The following CALY variants were observed in gnomAD, a reference collection of about 807,000 sequenced individuals.
CALY encodes neuron-specific vesicular protein calcyon.
A neutral mutation model predicts 20.2 loss-of-function variants in CALY; 15 were observed. That is an observed-to-expected ratio of 0.74 (90% CI 0.50 to 1.14). The LOEUF (loss-of-function observed/expected upper bound fraction) is 1.14, where lower values mean the gene tolerates loss of function less well. CALY is among the 50% of genes most tolerant of loss of function. CALY has a pLI of 0.00. For missense variants in CALY, 270 were observed against 304.4 expected (o/e 0.89, Z 0.84); for synonymous variants, 129 against 131.8 (o/e 0.98, Z 0.15).
chr10:133,325,972 C>G lies in CALY; in HGVS notation c.509G>C (p.Arg170Pro). ...ETPAAWGDGY[R>P]AAKEERKGPT... is the part of the protein sequence containing the mutation. ...CCCCTTGCGCTCCTCCTTGGCTGCG[C>G]GGTAGCCGTCCCCCCAGGCCGCCGG... The change falls in exon 5 of 6, where the codon CGC becomes CCC. Residue 170 changes from arginine (R) to proline (P), a missense_variant. Physicochemically the swap from Arg to Pro is moderately radical, Grantham distance 103. Coordinates refer to ENST00000252939, the MANE Select transcript of CALY (RefSeq NM_015722.4). The G allele has an allele frequency of 1.9e-6, 3 of 1,545,138 alleles. No individual in the cohort carries two copies. The highest frequency in any genetic ancestry group is 1.7e-6 in the Non-Finnish European group (2 of 1,144,128).
intron 4 of CALY, chr10:133,326,435 T>G (rs1848211987): frequency 5.1e-6 from 3 of 589,632 alleles, no homozygotes; most frequent in Non-Finnish European, 9.1e-6. Context: ...AAGGAGCAGA[T>G]TTTACTTCTG....
At position 133,325,583 on chromosome 10, in the gene CALY, C is replaced by T. The variant is rs912925209; in HGVS notation, c.*29-17G>A. 10 of 287,204 alleles carry T rather than the reference C, an allele frequency of 3.5e-5. No homozygotes were observed. The highest frequency in any genetic ancestry group is 6.4e-5 in the Non-Finnish European group (10 of 155,642). The allele number at this position is 287,204 out of a possible 1,614,324, so 17.8% of individuals were successfully genotyped here. A position where few individuals can be genotyped will look rare whatever the true frequency, so the allele number is the denominator to read the frequency against. On this transcript the variant is annotated splice_polypyrimidine_tract_variant and intron_variant, in intron 5 of 5. Coordinates refer to ENST00000252939, the MANE Select transcript of CALY (RefSeq NM_015722.4). Reference sequence around the variant, plus strand: ...CGGAGGACGCTGCGGAGACAGAGCCCGAGGGTTGAGAGCGGCGACGCGGCC... The same window carrying T: ...CGGAGGACGCTGCGGAGACAGAGCCTGAGGGTTGAGAGCGGCGACGCGGCC...
intron 3 of CALY, 118 bp from the exon 4 acceptor site, chr10:133,327,109 C>T: frequency 1.4e-6 from 1 of 712,956 alleles, no homozygotes; most frequent in East Asian, 2.7e-5. Flanking sequence ...GATGCCCCAC[C>T]CCCGCCCTGG....
chr10:133,328,797 C>T (rs540607885), intron 2 of CALY, 58 bp downstream of exon 2: 37 of 1,488,858 alleles, frequency 2.5e-5, no homozygotes, highest in South Asian at 5.1e-5. Context: ...CCTCACCCCA[C>T]ACCCCTTTGT....
Position 133,324,917 on chromosome 10 carries a change from CCACT to C in CALY, c.*674_*677del. The C allele has an allele frequency of 4.4e-6, 1 of 229,466 alleles. No homozygotes were observed. The highest frequency in any genetic ancestry group is 8.8e-6 in the Non-Finnish European group (1 of 113,674). 14.2% of individuals were successfully genotyped at this position (229,466 alleles called of 1,614,324 possible). A position where few individuals can be genotyped will look rare whatever the true frequency, so the allele number is the denominator to read the frequency against. The stretch of plus-strand genomic sequence containing the variant: ...ACCAGAGCTCACCCCTCATCAGGCC[CCACT>C]CCCCACTCAGACGCCCCCATTCACT... On this transcript the variant is annotated 3_prime_UTR_variant, in exon 6 of 6. Transcript: ENST00000252939.
At chr10:133,334,906 C>T (rs527413650) in intron 1 of CALY, among the ~76,000 whole-genome samples, 2 of 152,264 alleles carry the variant, frequency 1.3e-5, no homozygotes, top group South Asian at 2.1e-4. Context: ...TGCGGTGTCC[C>T]CCAGACCACC....
intron 1 of CALY, among the ~76,000 whole-genome samples, chr10:133,330,940 C>A (rs572627607): frequency 5.9e-5 from 9 of 152,256 alleles, no homozygotes; most frequent in Non-Finnish European, 1.2e-4. Context: ...GTGAATCCAG[C>A]GAATACAACA....
At position 133,324,383 on chromosome 10, in the gene CALY, C is replaced by G. The variant is rs1427176675; in HGVS notation, c.*1212G>C. The G allele has an allele frequency of 2.2e-6, 1 of 452,406 alleles. No homozygotes were observed. The highest frequency in any genetic ancestry group is 4.4e-6 in the Non-Finnish European group (1 of 225,996). The allele number at this position is 452,406 out of a possible 1,614,324, so 28.0% of individuals were successfully genotyped here. A position where few individuals can be genotyped will look rare whatever the true frequency, so the allele number is the denominator to read the frequency against. ...TCCAAAGCAGGCCAGTCCCACTGAGCTGGGAAGCTGCCTAGACCCGCACCT... is the reference window on the plus strand; with the variant it reads ...TCCAAAGCAGGCCAGTCCCACTGAGGTGGGAAGCTGCCTAGACCCGCACCT... On this transcript the variant is annotated 3_prime_UTR_variant, in exon 6 of 6. Transcript: ENST00000252939.
chr10:133,328,811 C>T (rs1848255616), intron 2 of CALY, 44 bp downstream of exon 2: 2 of 1,515,992 alleles, frequency 1.3e-6, no homozygotes, highest in Non-Finnish European at 1.8e-6. Context: ...CCTTTGTTCC[C>T]AGGGGAGCCT....
intron 2 of CALY, among the ~76,000 whole-genome samples, chr10:133,328,344 C>T (rs946196391): frequency 1.3e-5 from 2 of 152,124 alleles, no homozygotes; most frequent in African/African-American, 4.8e-5. Context: ...TGCCCCGGGT[C>T]CCCAGCATAG....
At chr10:133,325,693 G>T (rs994776433) in intron 5 of CALY, 106 bp downstream of exon 5, 12 of 491,754 alleles carry the variant, frequency 2.4e-5, no homozygotes, top group African/African-American at 1.8e-4. Flanking sequence ...CGGGTCGGAG[G>T]GAAGAGGAAG....
intron 4 of CALY, 45 bp downstream of exon 4, chr10:133,326,833 G>C: frequency 1.5e-6 from 2 of 1,322,506 alleles, no homozygotes; most frequent in Non-Finnish European, 2.1e-6. Context: ...GGCTACGGGA[G>C]GAGGGGCGGC....
rs1173295329 is a variant in CALY at position 133,326,516 on chromosome 10, AAG to A, written c.360+360_360+361del. 3.9e-5 allele frequency among the ~76,000 whole-genome samples: 6 copies of A among 152,332 alleles called. No homozygotes were observed. The East Asian group carries it at 1.2e-3, about 29-fold the overall frequency. On this transcript the variant is annotated intron_variant, in intron 4 of 5. Coordinates refer to ENST00000252939, the MANE Select transcript of CALY (RefSeq NM_015722.4). ...ATTGACAAAGAGATTTAAAAAAAAA[AAG>A]GATGGAAGAAAATATCTGCCAAATA...
intron 1 of CALY, among the ~76,000 whole-genome samples, chr10:133,334,989 G>A (rs888773046): frequency 6.6e-6 from 1 of 152,310 alleles, no homozygotes; most frequent in Middle Eastern, 3.4e-3. Context: ...CACTCGGCGG[G>A]CGAGGTTTCA....
chr10:133,329,392 C>CTTCTTTTTTT (rs549430070), intron 1 of CALY, among the ~76,000 whole-genome samples: 17 of 137,458 alleles, frequency 1.2e-4, no homozygotes, highest in African/African-American at 4.6e-4. Context: ...TCTTCTTCTT[C>CTTCTTTTTTT]TTTTTTTTTT....
Position 133,327,899 on chromosome 10 carries a change from G to A in CALY, c.246+6C>T, listed in dbSNP as rs1248614833. On this transcript the variant is annotated splice_donor_region_variant and intron_variant, in intron 3 of 5. Coordinates refer to ENST00000252939, the MANE Select transcript of CALY (RefSeq NM_015722.4). ...TCCCCACAGTGGGTGGGGTGGGTGT[G>A]GTTACCCTGCGCCCTTCCTCTGGGT... is the stretch of plus-strand genomic sequence containing the variant. 3 of 1,593,058 alleles carry A rather than the reference G, an allele frequency of 1.9e-6. No homozygotes were observed. Among genetic ancestry groups the A allele is most frequent in the Admixed American group, 3.4e-5 (2 of 59,670 alleles).
intron 1 of CALY, 31 bp from the exon 2 acceptor site, chr10:133,329,040 C>A (rs764208689): frequency 1.7e-5 from 26 of 1,496,874 alleles, no homozygotes; most frequent in Non-Finnish European, 2.0e-5. Context: ...TCACTGCCCA[C>A]AGGCTGCCCC....
At chr10:133,329,677 C>T (rs573718894) in intron 1 of CALY, among the ~76,000 whole-genome samples, 22 of 152,286 alleles carry the variant, frequency 1.4e-4, no homozygotes, top group African/African-American at 4.3e-4. Flanking sequence ...TGACTCTAGA[C>T]AACCTCCTAA....
At chr10:133,334,984 G>A (rs1289654377) in intron 1 of CALY, among the ~76,000 whole-genome samples, 4 of 152,190 alleles carry the variant, frequency 2.6e-5, no homozygotes, top group African/African-American at 9.7e-5. Flanking sequence ...ATGGGCACTC[G>A]GCGGGCGAGG....
Sources: gnomAD v4.1 joint callset for allele counts (sites outside exome capture counted in the v4.1 genomes callset) on GRCh38, gnomAD v4.1.1 for gene constraint, MANE v1.5 for transcripts, NCBI Gene and HGNC (gene_info 2026-07-23, HGNC 2026-07-21) for gene names.